EIF2AK4: variants seen among roughly 807,000 people sequenced by gnomAD.
EIF2AK4 encodes the protein eIF-2-alpha kinase GCN2.
A neutral mutation model predicts 211.1 loss-of-function variants in EIF2AK4; 139 were observed. The ratio of observed to expected loss-of-function variants is 0.66; its 90% CI spans 0.57 to 0.76. The LOEUF is 0.76. EIF2AK4 is among the 30% of genes least tolerant of loss of function. The pLI, the probability that EIF2AK4 is intolerant of heterozygous loss-of-function variation, is 0.00. For synonymous variants in EIF2AK4, 710 were observed against 751.3 expected (o/e 0.94, Z 0.90); for missense variants, 1,664 against 2,043.8 (o/e 0.81, Z 3.58).
chr15:39,991,855 T>G (rs941784995), intron 16 of EIF2AK4: 2 of 198,312 alleles, frequency 1.0e-5, no homozygotes, highest in Admixed American at 5.5e-5. Context: ...TAATATAATC[T>G]TACTCTTCTT....
Position 40,032,287 on chromosome 15 carries a change from A to G in EIF2AK4, c.4728+50A>G, listed in dbSNP as rs764562514. 3.9e-6 allele frequency: 6 copies of G among 1,544,468 alleles called. No homozygotes were observed. The East Asian group carries it at 1.3e-4, about 35-fold the overall frequency. ...GAAGGTGGCTTCTGTCCATACTGTC[A>G]AAGTAGTTGCCTCAGGGTTCAGAGC... On this transcript the variant is annotated intron_variant, in intron 36 of 38. Coordinates refer to ENST00000263791, the MANE Select transcript of EIF2AK4 (RefSeq NM_001013703.4).
At position 39,996,972 on chromosome 15, in the gene EIF2AK4, T is replaced by C. The variant is rs745881854; in HGVS notation, c.2775T>C (p.Asp925=). ...STKSAYNQKV[D]LFSLGIIFFE... ...TTATTCTTCCCCCTCAGAAAGTGGA[T>C]CTCTTCAGCCTGGGAATTATCTTCT... Residue 925 remains aspartate (D), a synonymous_variant, in exon 19 of 39, where the codon GAT becomes GAC. Coordinates refer to ENST00000263791, the MANE Select transcript of EIF2AK4 (RefSeq NM_001013703.4). 6.2e-7 allele frequency: 1 copy of C among 1,611,970 alleles called. No individual in the cohort carries two copies. Among genetic ancestry groups the C allele is most frequent in the South Asian group, 1.1e-5 (1 of 90,954 alleles).
At chr15:39,963,567 C>T (rs757053263) in intron 7 of EIF2AK4, among the ~76,000 whole-genome samples, 4 of 151,834 alleles carry the variant, frequency 2.6e-5, no homozygotes, top group East Asian at 1.9e-4. Flanking sequence ...TTTTTATTTT[C>T]AATGAAGTAT....
intron 1 of EIF2AK4, 114 bp from the exon 2 acceptor site, chr15:39,939,391 A>G (rs2034112132): frequency 3.5e-6 from 2 of 563,776 alleles, no homozygotes; most frequent in Admixed American, 7.3e-5. Context: ...TATTTAAAAT[A>G]TAATTACAAA....
At chr15:40,020,561 A>G (rs1454355623) in intron 30 of EIF2AK4, 1 of 151,834 alleles carries the variant, frequency 6.6e-6, no homozygotes, top group Non-Finnish European at 1.5e-5. Flanking sequence ...ATGGTGGTGC[A>G]CGCCTGTAAT....
At chr15:40,012,628 A>G (rs1056056342) in intron 27 of EIF2AK4, among the ~76,000 whole-genome samples, 1 of 152,150 alleles carries the variant, frequency 6.6e-6, no homozygotes, top group Non-Finnish European at 1.5e-5. Flanking sequence ...CCAACCCAAA[A>G]GGTTATTTGG....
chr15:39,973,893 T>C (rs2034658514), intron 11 of EIF2AK4, 144 bp downstream of exon 11: 3 of 870,738 alleles, frequency 3.4e-6, no homozygotes, highest in Non-Finnish European at 3.5e-6. Context: ...CTCACCTTCC[T>C]GGAGTTAAAG....
chr15:40,002,876 AT>A, intron 22 of EIF2AK4, 88 bp downstream of exon 22: 1 of 1,424,520 alleles, frequency 7.0e-7, no homozygotes, highest in Non-Finnish European at 9.8e-7. Context: ...GGCATATCAT[AT>A]TTTACTTTCA....
intron 37 of EIF2AK4, among the ~76,000 whole-genome samples, chr15:40,034,015 C>T (rs181761068): frequency 1.2e-3 from 170 of 144,958 alleles, no homozygotes; most frequent in Middle Eastern, 7.2e-3. Flanking sequence ...GCAACAAGAC[C>T]GAAACTCCAT....
intron 1 of EIF2AK4, among the ~76,000 whole-genome samples, chr15:39,937,356 A>G (rs1035435135): frequency 1.3e-5 from 2 of 152,160 alleles, no homozygotes; most frequent in African/African-American, 4.8e-5. Flanking sequence ...AATTATCTAG[A>G]ACACCTTTGT....
In EIF2AK4 at chr15:39,992,007, T is replaced by A. The variant is rs28714278; in HGVS notation, c.2632-168T>A. The stretch of plus-strand genomic sequence containing the variant: ...ATTTCATTGGGTTTTCTGAGAGCCT[T>A]GCATTAGTGGGTTAACTAAACTAGA... On this transcript the variant is annotated intron_variant, in intron 16 of 38. Transcript: ENST00000263791. 0.15 allele frequency: 81,301 copies of A among 544,312 alleles called. 7,284 individuals carry two copies. The highest frequency in any genetic ancestry group is 0.19 in the Non-Finnish European group (60,523 of 320,270). 33.7% of individuals were successfully genotyped at this position (544,312 alleles called of 1,614,324 possible). A position where few individuals can be genotyped will look rare whatever the true frequency, so the allele number is the denominator to read the frequency against.
At chr15:39,943,822 G>A (rs1208824096) in intron 3 of EIF2AK4, among the ~76,000 whole-genome samples, 1 of 152,088 alleles carries the variant, frequency 6.6e-6, no homozygotes, top group Non-Finnish European at 1.5e-5. Flanking sequence ...GGGTGTGGTG[G>A]TGTATGCCTA....
intron 20 of EIF2AK4, among the ~76,000 whole-genome samples, chr15:39,998,997 T>G (rs924039712): frequency 2.0e-5 from 3 of 152,122 alleles, no homozygotes; most frequent in Non-Finnish European, 4.4e-5. Flanking sequence ...ATTAACAAAC[T>G]GCAGGGTTCT....
At position 39,976,583 on chromosome 15, in the gene EIF2AK4, C is replaced by T. The variant is rs763080677; in HGVS notation, c.1988C>T (p.Ala663Val). The change falls in exon 12 of 39, where the codon GCG becomes GTG. Residue 663 changes from alanine to valine, a missense_variant. By Grantham distance (64) the Ala-to-Val change is moderately conservative. This residue lies in a region of EIF2AK4 where 206 missense variants were observed against 201.9 expected (regional missense o/e 1.02). Transcript: ENST00000263791. ...NAWIERHERPAGPGTPPPDSG... is the reference protein window; with the variant it reads ...NAWIERHERPVGPGTPPPDSG... ...TGGATCGAGCGGCACGAGCGGCCGG[C>T]GGGACCGGGGACGCCGCCCCCGGAC... is the stretch of plus-strand genomic sequence containing the variant. The T allele has an allele frequency of 3.7e-6, 6 of 1,610,722 alleles. No individual in the cohort carries two copies. The South Asian group carries it at 4.4e-5, about 12-fold the overall frequency.
Position 40,035,100 on chromosome 15 carries a change from G to A in EIF2AK4, c.*16G>A, listed in dbSNP as rs2898985. ...CTTATTTTAACCCTAAAGAACTGTCGTTAACCTCATTCAAACAGACAGAGG... is the reference window on the plus strand; with the variant it reads ...CTTATTTTAACCCTAAAGAACTGTCATTAACCTCATTCAAACAGACAGAGG... On this transcript the variant is annotated 3_prime_UTR_variant, in exon 39 of 39. Coordinates refer to ENST00000263791, the MANE Select transcript of EIF2AK4 (RefSeq NM_001013703.4). The A allele has an allele frequency of 0.08, 122,486 of 1,535,740 alleles. 16,223 individuals are homozygous for A. The highest frequency in any genetic ancestry group is 0.44 in the East Asian group (19,280 of 43,762).
chr15:39,963,405 A>T (rs886270068), intron 7 of EIF2AK4, among the ~76,000 whole-genome samples: 3 of 152,246 alleles, frequency 2.0e-5, no homozygotes, highest in African/African-American at 4.8e-5. Context: ...ACCATAGTTA[A>T]TACCCTTATT....
chr15:40,032,439 T>C (rs2035556170), intron 36 of EIF2AK4, among the ~76,000 whole-genome samples: 2 of 152,208 alleles, frequency 1.3e-5, no homozygotes, highest in Admixed American at 6.5e-5. Context: ...TGTTCCTCTT[T>C]AAGATAGAGG....
intron 18 of EIF2AK4, 107 bp downstream of exon 18, chr15:39,992,955 A>AT: frequency 9.4e-7 from 1 of 1,059,500 alleles, no homozygotes; most frequent in Non-Finnish European, 1.4e-6. Context: ...ACATCCACTC[A>AT]TTCACACTCC....
chr15:40,017,499 TTCTATATATATA>T (rs1488266493), intron 29 of EIF2AK4, among the ~76,000 whole-genome samples: 8 of 43,872 alleles, frequency 1.8e-4, no homozygotes, highest in African/African-American at 8.1e-4. Flanking sequence ...TTTACTCTGT[TTCTATATATATA>T]TATATATATA....
Sources: allele counts gnomAD v4.1 joint callset (sites outside exome capture counted in the v4.1 genomes callset), GRCh38; gene constraint gnomAD v4.1.1; regional missense constraint gnomAD v4.1.1; transcripts MANE v1.5; gene names NCBI Gene and HGNC (gene_info 2026-07-23, HGNC 2026-07-21).